COL14A1: variants seen among roughly 807,000 people sequenced by gnomAD.
COL14A1 encodes the protein collagen type XIV alpha 1 chain, also known as collagen alpha-1(XIV) chain.
COL14A1 carries 136 observed loss-of-function variants against 230.3 expected under a neutral mutation model. The observed-to-expected ratio is 0.59, with a 90% confidence interval of 0.51 to 0.68. The LOEUF (loss-of-function observed/expected upper bound fraction) is 0.68. COL14A1 is among the 30% of genes least tolerant of loss of function. The pLI, the probability that COL14A1 is intolerant of heterozygous loss-of-function variation, is 0.00. For synonymous variants in COL14A1, 792 were observed against 784.1 expected (o/e 1.01, Z -0.17); for missense variants, 1,976 against 2,215.8 (o/e 0.89, Z 2.17).
At chr8:120,206,699 T>C (rs1817443841) in intron 9 of COL14A1, among the ~76,000 whole-genome samples, 1 of 152,200 alleles carries the variant, frequency 6.6e-6, no homozygotes, top group Non-Finnish European at 1.5e-5. Flanking sequence ...TTTAAGAAAG[T>C]TCTCTGGAGT....
intron 13 of COL14A1, among the ~76,000 whole-genome samples, chr8:120,213,187 G>A (rs919165544): frequency 2.0e-5 from 3 of 152,092 alleles, no homozygotes; most frequent in Non-Finnish European, 2.9e-5. Flanking sequence ...TTGGATAAAT[G>A]TAGGGAATTC....
At chr8:120,211,295 A>C (rs139682860) in intron 12 of COL14A1, among the ~76,000 whole-genome samples, 190 of 152,322 alleles carry the variant, frequency 1.2e-3, no homozygotes, top group African/African-American at 4.3e-3. Context: ...AGAAAAGAAT[A>C]TCATAAAGGA....
chr8:120,316,463 A>C (rs1242093025), intron 40 of COL14A1, among the ~76,000 whole-genome samples: 1 of 152,202 alleles, frequency 6.6e-6, no homozygotes, highest in Non-Finnish European at 1.5e-5. Context: ...GTAGTACAAT[A>C]AAGTATAAAG....
chr8:120,354,247 G>T lies in COL14A1; in HGVS notation c.5077+8684G>T, dbSNP rs567826950. Among the ~76,000 whole-genome samples the T allele has an allele frequency of 3.2e-4, 32 of 99,610 alleles. 1 individual carries two copies. The East Asian group carries it at 0.01, about 31-fold the overall frequency. 65.3% of individuals were successfully genotyped at this position (99,610 alleles called of 152,430 possible). ...CACACTCTGGGGACTGTTGTGGGGT[G>T]GGGGGAGGGGGGAGGGATAGCATTG... On this transcript the variant is annotated intron_variant, in intron 45 of 47. Transcript: ENST00000297848.
intron 40 of COL14A1, among the ~76,000 whole-genome samples, chr8:120,331,731 C>T (rs969285373): frequency 6.6e-6 from 1 of 152,318 alleles, no homozygotes; most frequent in African/African-American, 2.4e-5. Context: ...TTGTAGTACT[C>T]CTAATGAAAG....
intron 44 of COL14A1, 80 bp downstream of exon 44, chr8:120,342,526 C>T: frequency 7.4e-7 from 1 of 1,344,456 alleles, no homozygotes; most frequent in Non-Finnish European, 1.1e-6. Context: ...CATGAGCGTA[C>T]CACTAAGGAA....
At chr8:120,265,518 A>G (rs1819476416) in intron 24 of COL14A1, among the ~76,000 whole-genome samples, 1 of 151,944 alleles carries the variant, frequency 6.6e-6, no homozygotes, top group Admixed American at 6.6e-5. Context: ...TATAAAGTGC[A>G]TTGTCAACCT....
intron 5 of COL14A1, among the ~76,000 whole-genome samples, chr8:120,193,915 A>G (rs921599022): frequency 6.6e-6 from 1 of 152,290 alleles, no homozygotes; most frequent in South Asian, 2.1e-4. Flanking sequence ...GCGCAGTATT[A>G]GGGTGGGAGT....
chr8:120,164,574 C>G (rs567318777), intron 4 of COL14A1, among the ~76,000 whole-genome samples: 1 of 152,202 alleles, frequency 6.6e-6, no homozygotes, highest in African/African-American at 2.4e-5. Flanking sequence ...AAAGAAAACA[C>G]AACTTGGTTA....
chr8:120,303,069 G>T (rs1175255638), intron 36 of COL14A1, among the ~76,000 whole-genome samples: 2 of 152,120 alleles, frequency 1.3e-5, no homozygotes, highest in Non-Finnish European at 2.9e-5. Flanking sequence ...GGATGTTAGT[G>T]ATCTTTGTGC....
At chr8:120,192,832 T>A (rs1816874664) in intron 5 of COL14A1, among the ~76,000 whole-genome samples, 2 of 152,260 alleles carry the variant, frequency 1.3e-5, no homozygotes, top group African/African-American at 4.8e-5. Context: ...TTCCAGTTGA[T>A]CGCATTGGCT....
At chr8:120,143,893 C>T (rs1031755821) in intron 1 of COL14A1, among the ~76,000 whole-genome samples, 2 of 151,794 alleles carry the variant, frequency 1.3e-5, no homozygotes, top group Non-Finnish European at 2.9e-5. Context: ...TTAAAATACT[C>T]ATACTCTTCC....
intron 19 of COL14A1, among the ~76,000 whole-genome samples, chr8:120,242,121 C>T (rs1818623917): frequency 6.6e-6 from 1 of 152,122 alleles, no homozygotes; most frequent in African/African-American, 2.4e-5. Context: ...TGTGTTTAGA[C>T]TTGGGTCTAA....
intron 14 of COL14A1, among the ~76,000 whole-genome samples, 183 bp from the exon 15 acceptor site, chr8:120,224,905 C>T (rs1489835897): frequency 3.3e-5 from 5 of 152,230 alleles, no homozygotes; most frequent in Non-Finnish European, 7.3e-5. Flanking sequence ...TGAGAATTCA[C>T]TGATGGGTAA....
At chr8:120,269,954 C>A in intron 25 of COL14A1, 81 bp from the exon 26 acceptor site, 1 of 1,441,634 alleles carries the variant, frequency 6.9e-7, no homozygotes, top group Non-Finnish European at 9.6e-7. Flanking sequence ...TAGCAGAGGG[C>A]AACCATTATT....
At chr8:120,295,731 T>C (rs1243694158) in intron 34 of COL14A1, among the ~76,000 whole-genome samples, 1 of 151,886 alleles carries the variant, frequency 6.6e-6, no homozygotes, top group Non-Finnish European at 1.5e-5. Context: ...ATGTTCCAGG[T>C]ACTGTTCTAA....
At chr8:120,320,831 A>G (rs1821413486) in intron 40 of COL14A1, among the ~76,000 whole-genome samples, 1 of 152,240 alleles carries the variant, frequency 6.6e-6, no homozygotes, top group Admixed American at 6.5e-5. Context: ...TAAAAATAGC[A>G]GCAACCACTA....
intron 45 of COL14A1, among the ~76,000 whole-genome samples, chr8:120,356,238 T>C (rs1396425935): frequency 1.3e-5 from 2 of 152,238 alleles, no homozygotes; most frequent in Non-Finnish European, 2.9e-5. Flanking sequence ...TGTTATGTGA[T>C]GCTCATAAAA....
rs201625947 is a variant in COL14A1 at position 120,225,047 on chromosome 8, G to A, written c.1738-41G>A. 8.7e-4 allele frequency: 1,375 copies of A among 1,583,850 alleles called. 8 individuals are homozygous for A. Among genetic ancestry groups the A allele is most frequent in the Non-Finnish European group, 3.3e-4 (384 of 1,165,196 alleles). Reference sequence around the variant, plus strand: ...AATAATAAAATGATTCTTATACTTAGCATTAGATAGAGCTGTTATTATGAC... The same window carrying A: ...AATAATAAAATGATTCTTATACTTAACATTAGATAGAGCTGTTATTATGAC... On this transcript the variant is annotated intron_variant, in intron 14 of 47. Coordinates refer to ENST00000297848, the MANE Select transcript of COL14A1 (RefSeq NM_021110.4).
Sources: allele counts gnomAD v4.1 joint callset (sites outside exome capture counted in the v4.1 genomes callset), GRCh38; gene constraint gnomAD v4.1.1; transcripts MANE v1.5; gene names NCBI Gene and HGNC (gene_info 2026-07-23, HGNC 2026-07-21).